CLCN2: variants seen among roughly 807,000 people sequenced by gnomAD.
CLCN2 encodes chloride voltage-gated channel 2.
CLCN2 carries 72 observed loss-of-function variants against 108.3 expected under a neutral mutation model. The ratio of observed to expected loss-of-function variants is 0.66; its 90% CI spans 0.55 to 0.81. The LOEUF (loss-of-function observed/expected upper bound fraction) is 0.81, where lower values mean the gene tolerates loss of function less well. CLCN2 is among the 30% of genes least tolerant of loss of function. The pLI is 0.00. For synonymous variants in CLCN2, 471 were observed against 467.1 expected, an observed-to-expected ratio of 1.01 and a Z score of -0.11; for missense variants, 1,048 against 1,205.2, an observed-to-expected ratio of 0.87 and a Z score of 1.93.
chr3:184,347,525 CCA>C (rs952468589), intron 22 of CLCN2: 10 of 244,326 alleles, frequency 4.1e-5, no homozygotes, highest in Non-Finnish European at 6.5e-5. Context: ...ACGCACAACC[CCA>C]GTCCTGTTTA....
chr3:184,349,785 T>C (rs531444985), intron 22 of CLCN2, among the ~76,000 whole-genome samples: 1 of 152,282 alleles, frequency 6.6e-6, no homozygotes, highest in East Asian at 1.9e-4. Context: ...CTTACCAAGG[T>C]ACACAGCAAG....
rs1178819565 is a variant in CLCN2, at chr3:184,359,081, A to AGCTTCCTCTT, written c.104_113dup (p.Ala39ArgfsTer12). On this transcript the variant is annotated frameshift_variant, in exon 2 of 24. Coordinates refer to ENST00000265593, the MANE Select transcript of CLCN2 (RefSeq NM_004366.6). LOFTEE classifies it high-confidence loss of function. ...CAGGCCCTCCCAGGCGAATCCGAGC[A>AGCTTCCTCTT]GCTTCCTCTTTGGCAAAGGCCCCAA... The AGCTTCCTCTT allele has an allele frequency of 6.2e-7, 1 of 1,613,728 alleles. No homozygotes were observed. Among genetic ancestry groups the AGCTTCCTCTT allele is most frequent in the African/African-American group, 1.3e-5 (1 of 75,064 alleles).
intron 22 of CLCN2, among the ~76,000 whole-genome samples, chr3:184,351,530 C>G (rs547991022): frequency 6.6e-6 from 1 of 152,228 alleles, no homozygotes; most frequent in Non-Finnish European, 1.5e-5. Flanking sequence ...GCATTCCAAG[C>G]CCCCCACTGG....
Position 184,346,669 on chromosome 3 carries a change from G to A in CLCN2, c.2634C>T (p.Pro878=), listed in dbSNP as rs1341738649. The A allele has an allele frequency of 6.2e-7, 1 of 1,614,158 alleles. No homozygotes were observed. Among genetic ancestry groups the A allele is most frequent in the Non-Finnish European group, 8.5e-7 (1 of 1,180,024 alleles). ...CCCGGGGGAGGCCATGACGGGAGTG[G>A]GGCCCCCAGAGTGCATGCACCTCAG... is the stretch of plus-strand genomic sequence containing the variant. ...ETTEVHALWG[P]HSRHGLPREG... Residue 878 remains proline, a synonymous_variant, in exon 24 of 24, where the codon CCC becomes CCT. Coordinates refer to ENST00000265593, the MANE Select transcript of CLCN2 (RefSeq NM_004366.6). The surrounding 1 kb of genome is among the most constrained non-coding windows in gnomAD (Gnocchi z 6.0).
intron 10 of CLCN2, chr3:184,356,715 G>A (rs1033039251): frequency 2.1e-6 from 1 of 481,504 alleles, no homozygotes; most frequent in African/African-American, 2.0e-5. Context: ...ACACTCTCCA[G>A]GGAGCATTCC....
chr3:184,352,923 G>C, intron 18 of CLCN2, 110 bp downstream of exon 18: 3 of 1,525,816 alleles, frequency 2.0e-6, no homozygotes, highest in South Asian at 1.1e-5. Context: ...TGGCCCATGT[G>C]GGCAGCCTCT....
chr3:184,353,974 G>T, intron 15 of CLCN2, 127 bp downstream of exon 15: 3 of 1,349,350 alleles, frequency 2.2e-6, no homozygotes, highest in Non-Finnish European at 2.1e-6. Flanking sequence ...CCCCTCCAGA[G>T]TGTGGACGAA....
chr3:184,351,901 C>A, intron 22 of CLCN2, 112 bp downstream of exon 22: 1 of 821,504 alleles, frequency 1.2e-6, no homozygotes, highest in East Asian at 2.4e-5. Context: ...TGAGCCAACT[C>A]CCTTCTCCTC....
At chr3:184,359,232 C>T in intron 1 of CLCN2, 101 bp from the exon 2 acceptor site, 1 of 1,392,574 alleles carries the variant, frequency 7.2e-7, no homozygotes, top group Non-Finnish European at 1.0e-6. Flanking sequence ...AGCCCCCACA[C>T]TGGATATCCC....
chr3:184,359,440 A>T (rs1263869738), intron 1 of CLCN2, among the ~76,000 whole-genome samples: 2 of 152,152 alleles, frequency 1.3e-5, no homozygotes, highest in African/African-American at 4.8e-5. Context: ...GCCCCAGAAG[A>T]GGAAAAGGTG....
intron 1 of CLCN2, among the ~76,000 whole-genome samples, 176 bp from the exon 2 acceptor site, chr3:184,359,307 G>A (rs1711673792): frequency 6.6e-6 from 1 of 152,220 alleles, no homozygotes; most frequent in South Asian, 2.1e-4. Flanking sequence ...AGACTGTGGA[G>A]GCTGTCCTGG....
At position 184,355,144 on chromosome 3, in the gene CLCN2, G is replaced by A; in HGVS notation, c.1327-171C>T. 1.3e-6 allele frequency: 1 copy of A among 791,796 alleles called. No homozygotes were observed. Among genetic ancestry groups the A allele is most frequent in the South Asian group, 1.6e-5 (1 of 63,642 alleles). 49.0% of individuals were successfully genotyped at this position (791,796 alleles called of 1,614,324 possible). A position where few individuals can be genotyped will look rare whatever the true frequency, so the allele number is the denominator to read the frequency against. The stretch of plus-strand genomic sequence containing the variant: ...CCCAGGCCTCCCAGGTGATGGCAAG[G>A]GGAAGGACTCTGGAAGCAGATGGCT... On this transcript the variant is annotated intron_variant, in intron 12 of 23. Coordinates refer to ENST00000265593, the MANE Select transcript of CLCN2 (RefSeq NM_004366.6). This position sits in a 1 kb window ranked among gnomAD's most constrained non-coding sequence, Gnocchi z 6.3.
chr3:184,354,409 C>T, intron 14 of CLCN2, 95 bp from the exon 15 acceptor site: 1 of 1,372,272 alleles, frequency 7.3e-7, no homozygotes, highest in Non-Finnish European at 1.0e-6. Flanking sequence ...TCAGGGCTGC[C>T]CAATACAGTC....
intron 3 of CLCN2, 165 bp downstream of exon 3, chr3:184,358,517 C>T (rs1711575656): frequency 9.7e-6 from 11 of 1,134,048 alleles, no homozygotes; most frequent in South Asian, 8.0e-5. Context: ...GAAGCTGTGC[C>T]CTGTGGGAGT....
rs750904094 is a variant in CLCN2, at chr3:184,353,116, G to T, written c.2060C>A (p.Ala687Asp). 3.7e-5 allele frequency: 60 copies of T among 1,614,068 alleles called. No homozygotes were observed. The highest frequency in any genetic ancestry group is 5.0e-5 in the Non-Finnish European group (59 of 1,180,036). Residue 687 changes from alanine (A) to aspartate (D), a missense_variant, in exon 18 of 24, where the codon GCC (alanine) becomes GAC (aspartate). By Grantham distance (126) the Ala-to-Asp change is moderately radical (BLOSUM62 -2). Coordinates refer to ENST00000265593, the MANE Select transcript of CLCN2 (RefSeq NM_004366.6). ...VNTEDSAFPA[A>D]RGETHKPLKP... is the part of the protein sequence containing the mutation. Reference sequence around the variant, plus strand: ...TAGGGGCTTGTGGGTCTCCCCCCGGGCTGCTGGGAAGGCTGAGTCTTCTGT... The same window carrying T: ...TAGGGGCTTGTGGGTCTCCCCCCGGTCTGCTGGGAAGGCTGAGTCTTCTGT...
chr3:184,350,430 C>A (rs1728006723), intron 22 of CLCN2, among the ~76,000 whole-genome samples: 1 of 152,010 alleles, frequency 6.6e-6, no homozygotes, highest in Non-Finnish European at 1.5e-5. Context: ...AGGCCCAGTT[C>A]TGCTACTTAT....
At chr3:184,358,128 G>A (rs558413000) in intron 4 of CLCN2, 33 bp from the exon 5 acceptor site, 41 of 1,614,052 alleles carry the variant, frequency 2.5e-5, no homozygotes, top group South Asian at 2.2e-4. Flanking sequence ...AGAGGCATTC[G>A]ATGCACCCAT....
rs748654580 is a variant in CLCN2, at chr3:184,358,146, G to T, written c.481+36C>A. 35 of 1,613,902 alleles carry T rather than the reference G, an allele frequency of 2.2e-5. No individual in the cohort carries two copies. The Middle Eastern group carries it at 9.9e-4, about 45-fold the overall frequency. On this transcript the variant is annotated intron_variant, in intron 4 of 23. Transcript: ENST00000265593. ...GGCATTCGATGCACCCATTTCAGGG[G>T]TCCCGCCTCTGCCCTCCCCTTCTCT...
At chr3:184,354,476 A>C in intron 14 of CLCN2, 72 bp downstream of exon 14, 3 of 1,296,602 alleles carry the variant, frequency 2.3e-6, no homozygotes, top group Non-Finnish European at 3.3e-6. Context: ...AGGGGGCACC[A>C]GAGTCTCGGA....
Sources: gnomAD v4.1 joint callset for allele counts (sites outside exome capture counted in the v4.1 genomes callset) on GRCh38, gnomAD v4.1.1 for gene constraint, Gnocchi (gnomAD v3.1) non-coding constraint, MANE v1.5 for transcripts, NCBI Gene and HGNC (gene_info 2026-07-23, HGNC 2026-07-21) for gene names.